The following NTN1 variants were observed in gnomAD, a reference collection of about 807,000 sequenced individuals.
The protein encoded by NTN1 is netrin-1.
A neutral mutation model predicts 54.2 loss-of-function variants in NTN1; 11 were observed. The ratio of observed to expected loss-of-function variants is 0.20; its 90% confidence interval spans 0.13 to 0.34. The LOEUF (loss-of-function observed/expected upper bound fraction) is 0.34, where lower values mean the gene tolerates loss of function less well. Ranked by LOEUF, NTN1 falls within the 10% of genes least tolerant of loss-of-function variation. NTN1 has a pLI of 1.00. For missense variants in NTN1, 740 were observed against 893.1 expected (o/e 0.83, Z 2.18); for synonymous variants, 371 against 382.0 (o/e 0.97, Z 0.33).
intron 2 of NTN1, among the ~76,000 whole-genome samples, chr17:9,056,489 A>T (rs12937286): frequency 0.29 from 43,755 of 152,064 alleles, 6,540 homozygotes; most frequent in South Asian, 0.43. Context: ...TCTTTCTGTT[A>T]GTTGGTGGCT....
At chr17:9,229,042 G>T in intron 6 of NTN1, among the ~76,000 whole-genome samples, 1 of 151,874 alleles carries the variant, frequency 6.6e-6, no homozygotes, top group Admixed American at 6.6e-5. Context: ...GACTGGGTGT[G>T]TGGCTGTGTG....
upstream of NTN1, among the ~76,000 whole-genome samples, chr17:9,017,876 G>A (rs182872469): frequency 3.9e-5 from 6 of 152,286 alleles, no homozygotes; most frequent in Non-Finnish European, 1.5e-5. Flanking sequence ...GAATTAGAAG[G>A]GATGGAAGAG....
intron 2 of NTN1, among the ~76,000 whole-genome samples, chr17:9,162,301 G>A (rs1234334193): frequency 2.0e-5 from 3 of 152,204 alleles, no homozygotes; most frequent in Admixed American, 6.5e-5. Flanking sequence ...AACGCTAGAC[G>A]TTTACTTCTC....
intron 5 of NTN1, among the ~76,000 whole-genome samples, chr17:9,209,048 C>G (rs1037909565): frequency 6.6e-6 from 1 of 152,264 alleles, no homozygotes; most frequent in African/African-American, 2.4e-5. Context: ...GAGCCCATCA[C>G]ATGCAGTTGG....
chr17:9,102,829 T>C (rs577032530), intron 2 of NTN1, among the ~76,000 whole-genome samples: 1 of 152,334 alleles, frequency 6.6e-6, no homozygotes, highest in South Asian at 2.1e-4. Flanking sequence ...CAACAAGTAG[T>C]CAAAACTCAG....
chr17:9,114,159 A>G (rs1280033323), intron 2 of NTN1, among the ~76,000 whole-genome samples: 2 of 106,432 alleles, frequency 1.9e-5, no homozygotes, highest in African/African-American at 7.5e-5. Flanking sequence ...AAAAGAAAAA[A>G]AAAAAAAATA....
intron 5 of NTN1, among the ~76,000 whole-genome samples, chr17:9,194,235 CAAAA>C (rs35308916): frequency 6.7e-6 from 1 of 148,804 alleles, no homozygotes; most frequent in Non-Finnish European, 1.5e-5. Flanking sequence ...GACTCTGTCT[CAAAA>C]AAAAAAATTA....
At position 9,108,081 on chromosome 17, in the gene NTN1, T is replaced by C. The variant is rs9901423; in HGVS notation, c.1019-54732T>C. Among the ~76,000 whole-genome samples, 5 of 152,330 alleles carry C rather than the reference T, an allele frequency of 3.3e-5. No individual in the cohort carries two copies. In the East Asian group the frequency reaches 9.6e-4, roughly 29 times the overall value. ...AGGCTTGGCACAAAGAAACATTCAG[T>C]GAACTTGTGTAAGTTAGGGTTCTAC... On this transcript the variant is annotated intron_variant, in intron 2 of 6. Coordinates refer to ENST00000173229, the MANE Select transcript of NTN1 (RefSeq NM_004822.3).
At chr17:9,070,494 G>A (rs2092028707) in intron 2 of NTN1, among the ~76,000 whole-genome samples, 1 of 152,126 alleles carries the variant, frequency 6.6e-6, no homozygotes, top group African/African-American at 2.4e-5. Context: ...CTTTGGAAAA[G>A]TGAAGTGTGA....
At chr17:9,119,486 C>CTTATTTATTTAT (rs71361861) in intron 2 of NTN1, among the ~76,000 whole-genome samples, 8 of 149,714 alleles carry the variant, frequency 5.3e-5, no homozygotes, top group African/African-American at 7.4e-5. Flanking sequence ...CCGTGCCTGG[C>CTTATTTATTTAT]TTATTTATTT....
intron 5 of NTN1, among the ~76,000 whole-genome samples, chr17:9,190,110 A>G (rs1045192465): frequency 6.6e-5 from 10 of 152,242 alleles, no homozygotes. Flanking sequence ...GTAAGTACTC[A>G]GTGAATGCAT....
intron 5 of NTN1, among the ~76,000 whole-genome samples, chr17:9,217,860 A>AG (rs1323141873): frequency 1.0e-5 from 1 of 99,680 alleles, no homozygotes; most frequent in African/African-American, 2.9e-5. Flanking sequence ...ACACCAAAAA[A>AG]AAAAAAAAAA....
intron 2 of NTN1, among the ~76,000 whole-genome samples, chr17:9,146,239 A>G (rs2092312981): frequency 6.6e-6 from 1 of 152,186 alleles, no homozygotes; most frequent in South Asian, 2.1e-4. Context: ...TTGAAGCATA[A>G]TGACCCAGGG....
At chr17:9,038,200 T>C (rs1015942353) in intron 2 of NTN1, among the ~76,000 whole-genome samples, 7 of 136,504 alleles carry the variant, frequency 5.1e-5, no homozygotes, top group African/African-American at 1.9e-4. Flanking sequence ...CCTATTTGTG[T>C]CTATCGGACT....
At chr17:9,168,714 C>G (rs189563568) in intron 3 of NTN1, among the ~76,000 whole-genome samples, 36 of 152,270 alleles carry the variant, frequency 2.4e-4, no homozygotes, top group Admixed American at 1.4e-3. Flanking sequence ...TTCCTGGGCC[C>G]CCACCCTTCT....
At chr17:9,209,970 C>T (rs1905058218) in intron 5 of NTN1, among the ~76,000 whole-genome samples, 1 of 152,092 alleles carries the variant, frequency 6.6e-6, no homozygotes, top group Non-Finnish European at 1.5e-5. Context: ...AAAAGCCAGC[C>T]TCTGCCCTAT....
At chr17:9,179,743 G>C (rs2092412592) in intron 3 of NTN1, 64 bp from the exon 4 acceptor site, 1 of 1,563,080 alleles carries the variant, frequency 6.4e-7, no homozygotes, top group Admixed American at 1.8e-5. Flanking sequence ...GGTAGGGAAG[G>C]CTCTGCGGGG....
Position 9,022,679 on chromosome 17 carries a change from G to A in NTN1, c.306G>A (p.Ala102=), listed in dbSNP as rs1280333986. Reference sequence around the variant, plus strand: ...GCAACGCGTCCGACCCCAAGAAGGCGCACCCGCCCGCCTTCCTCACCGACC... The same window carrying A: ...GCAACGCGTCCGACCCCAAGAAGGCACACCCGCCCGCCTTCCTCACCGACC... ...HLCNASDPKK[A]HPPAFLTDLN... The change falls in exon 2 of 7, where the codon GCG becomes GCA. Residue 102 remains alanine, a synonymous_variant. Coordinates refer to ENST00000173229, the MANE Select transcript of NTN1 (RefSeq NM_004822.3). The A allele has an allele frequency of 7.0e-6, 11 of 1,581,074 alleles. No homozygotes were observed. Among genetic ancestry groups the A allele is most frequent in the Middle Eastern group, 3.3e-4 (2 of 6,048 alleles).
chr17:9,228,553 G>C (rs1055193376), intron 6 of NTN1, among the ~76,000 whole-genome samples: 1 of 152,182 alleles, frequency 6.6e-6, no homozygotes, highest in Non-Finnish European at 1.5e-5. Context: ...CTCAGAAAGA[G>C]GGGGAGACAG....
Sources: allele counts gnomAD v4.1 joint callset (sites outside exome capture counted in the v4.1 genomes callset), GRCh38; gene constraint gnomAD v4.1.1; transcripts MANE v1.5; gene names NCBI Gene and HGNC (gene_info 2026-07-23, HGNC 2026-07-21).